The following SHANK2 variants were observed in gnomAD, a reference collection of about 807,000 sequenced individuals.
SHANK2 encodes SH3 and multiple ankyrin repeat domains 2.
In SHANK2, 43 loss-of-function variants were observed where a neutral mutation model predicts 133.7. The ratio of observed to expected loss-of-function variants is 0.32; its 90% CI spans 0.25 to 0.41. The LOEUF (loss-of-function observed/expected upper bound fraction) is 0.41. Ranked by LOEUF, SHANK2 falls within the 10% of genes least tolerant of loss-of-function variation. SHANK2 has a pLI of 1.00. For missense variants in SHANK2, 1,994 were observed against 2,235.8 expected (o/e 0.89, Z 2.18); for synonymous variants, 1,017 against 952.8 (o/e 1.07, Z -1.24).
intron 8 of SHANK2, among the ~76,000 whole-genome samples, chr11:71,087,108 G>A (rs1951430060): frequency 1.3e-5 from 2 of 152,192 alleles, no homozygotes; most frequent in Admixed American, 1.3e-4. Flanking sequence ...TCAGGCCCCG[G>A]GACCAAGGTG....
At chr11:70,601,069 TTG>T (rs2060490822) in intron 17 of SHANK2, among the ~76,000 whole-genome samples, 1 of 134,776 alleles carries the variant, frequency 7.4e-6, no homozygotes, top group African/African-American at 3.0e-5. Flanking sequence ...ATATCTATAT[TTG>T]AGATGGAGTC....
intron 17 of SHANK2, among the ~76,000 whole-genome samples, chr11:70,594,021 A>G (rs2060364371): frequency 6.6e-6 from 1 of 152,124 alleles, no homozygotes; most frequent in African/African-American, 2.4e-5. Context: ...AGAAGGGTGG[A>G]CCAGATGTCC....
chr11:70,665,640 A>G (rs1298935655), intron 15 of SHANK2, among the ~76,000 whole-genome samples: 9 of 152,136 alleles, frequency 5.9e-5, no homozygotes, highest in Admixed American at 5.9e-4. Context: ...AACCCATCTC[A>G]CTTTCACTGG....
rs373355979 is a variant in SHANK2, at chr11:71,096,841, C to T, written c.593-2153G>A. On this transcript the variant is annotated intron_variant, in intron 6 of 25. Transcript: ENST00000601538. ...TTCATAGCTGACAACCTCAGCTGTT[C>T]CATTTTATAAATGAGAATGCTGTCT... 2.6e-5 allele frequency among the ~76,000 whole-genome samples: 4 copies of T among 152,140 alleles called. No individual in the cohort carries two copies. The East Asian group carries it at 7.7e-4, about 29-fold the overall frequency.
At position 70,473,529 on chromosome 11, in the gene SHANK2, G is replaced by A. The variant is rs1287578136; in HGVS notation, c.4980-90C>T. The A allele has an allele frequency of 5.4e-6, 7 of 1,294,658 alleles. No homozygotes were observed. Among genetic ancestry groups the A allele is most frequent in the African/African-American group, 1.5e-5 (1 of 68,524 alleles). The allele number at this position is 1,294,658 out of a possible 1,614,324, so 80.2% of individuals were successfully genotyped here. A position where few individuals can be genotyped will look rare whatever the true frequency, so the allele number is the denominator to read the frequency against. On this transcript the variant is annotated intron_variant, in intron 25 of 25. Transcript: ENST00000601538. The surrounding 1 kb of genome is among the most constrained non-coding windows in gnomAD (Gnocchi z 5.9). Reference sequence around the variant, plus strand: ...GATCACCCAGGAAGGCGAGGGAGACGCCCAAACCATGCCAGAGTGTCTAGT... The same window carrying A: ...GATCACCCAGGAAGGCGAGGGAGACACCCAAACCATGCCAGAGTGTCTAGT...
At chr11:70,733,084 A>G (rs1946323922) in intron 14 of SHANK2, among the ~76,000 whole-genome samples, 2 of 152,144 alleles carry the variant, frequency 1.3e-5, no homozygotes, top group Non-Finnish European at 2.9e-5. Flanking sequence ...AGATCATCTC[A>G]ACTGAGTGGG....
chr11:70,925,747 T>G (rs575342852), intron 10 of SHANK2, among the ~76,000 whole-genome samples: 1 of 152,284 alleles, frequency 6.6e-6, no homozygotes, highest in South Asian at 2.1e-4. Flanking sequence ...CAGCACTAAC[T>G]TCTTATTGTC....
intron 11 of SHANK2, among the ~76,000 whole-genome samples, chr11:70,890,497 C>CA (rs370111783): frequency 0.85 from 125,829 of 148,100 alleles, 56,314 homozygotes; most frequent in Non-Finnish European, 0.98. Context: ...ACAAAAAAAA[C>CA]AAAAAAAACA....
chr11:70,543,546 G>A (rs774809998), intron 17 of SHANK2, among the ~76,000 whole-genome samples: 2 of 152,210 alleles, frequency 1.3e-5, no homozygotes, highest in East Asian at 1.9e-4. Context: ...AGATGAACAC[G>A]TGGAGGTTCC....
intron 11 of SHANK2, among the ~76,000 whole-genome samples, chr11:70,821,817 A>C (rs1948530058): frequency 6.6e-6 from 1 of 152,182 alleles, no homozygotes; most frequent in Non-Finnish European, 1.5e-5. Context: ...ATTCAATCTC[A>C]GTCCTCACTA....
intron 14 of SHANK2, among the ~76,000 whole-genome samples, chr11:70,719,506 G>A (rs1946029758): frequency 2.0e-5 from 3 of 152,160 alleles, no homozygotes; most frequent in Admixed American, 2.0e-4. Flanking sequence ...CCCTAATCCT[G>A]CCCGCATGCA....
At position 70,473,599 on chromosome 11, in the gene SHANK2, G is replaced by T. The variant is rs149558776; in HGVS notation, c.4980-160C>A. On this transcript the variant is annotated intron_variant, in intron 25 of 25. Transcript: ENST00000601538. The surrounding 1 kb of genome is among the most constrained non-coding windows in gnomAD (Gnocchi z 5.9). ...AACGAATGATTTGCCATGCCAGGGT[G>T]GGGGAGGGGGAGAAAGGGGCCAGAG... 5.2e-5 allele frequency: 39 copies of T among 747,726 alleles called. No individual in the cohort carries two copies. The Middle Eastern group carries it at 1.1e-3, about 22-fold the overall frequency. 46.3% of individuals were successfully genotyped at this position (747,726 alleles called of 1,614,324 possible).
intron 11 of SHANK2, among the ~76,000 whole-genome samples, chr11:70,865,957 C>A (rs1555068929): frequency 6.6e-6 from 1 of 152,168 alleles, no homozygotes; most frequent in East Asian, 1.9e-4. Flanking sequence ...CCCTGGCAGT[C>A]CCACCCTCGG....
chr11:70,844,346 G>A (rs1031368263), intron 11 of SHANK2, among the ~76,000 whole-genome samples: 1 of 151,892 alleles, frequency 6.6e-6, no homozygotes, highest in Non-Finnish European at 1.5e-5. Flanking sequence ...TTCCATTTGG[G>A]TTGGGGGGCC....
chr11:70,649,718 C>G (rs1198129825), intron 17 of SHANK2, among the ~76,000 whole-genome samples: 2 of 152,200 alleles, frequency 1.3e-5, no homozygotes, highest in African/African-American at 2.4e-5. Context: ...CAGCTTCCAA[C>G]ATGGAGATGT....
chr11:70,500,900 G>A lies in SHANK2; in HGVS notation c.2288-310C>T. The A allele has an allele frequency of 1.6e-6, 1 of 630,116 alleles. No homozygotes were observed. Among genetic ancestry groups the A allele is most frequent in the African/African-American group, 2.1e-5 (1 of 48,386 alleles). The allele number at this position is 630,116 out of a possible 1,614,324, so 39.0% of individuals were successfully genotyped here. ...CACCAGCACCCTGCCAAAGTAGGGA[G>A]GAGTTCTCAGAGCAGACATGAGCAG... On this transcript the variant is annotated intron_variant, in intron 20 of 25. Coordinates refer to ENST00000601538, the MANE Select transcript of SHANK2 (RefSeq NM_012309.5). The surrounding 1 kb of genome is among the most constrained non-coding windows in gnomAD (Gnocchi z 4.5).
chr11:70,921,916 C>T (rs1277667166), intron 10 of SHANK2, among the ~76,000 whole-genome samples: 2 of 152,160 alleles, frequency 1.3e-5, no homozygotes, highest in Admixed American at 1.3e-4. Flanking sequence ...CAGACAGTAC[C>T]ATGTGTTGGA....
intron 14 of SHANK2, among the ~76,000 whole-genome samples, chr11:70,792,915 G>A (rs748659710): frequency 4.6e-5 from 7 of 152,018 alleles, no homozygotes; most frequent in East Asian, 3.9e-4. Context: ...GTGAGAACTC[G>A]TCTCTACAAA....
At chr11:70,832,263 A>G (rs1948737008) in intron 11 of SHANK2, among the ~76,000 whole-genome samples, 1 of 152,350 alleles carries the variant, frequency 6.6e-6, no homozygotes, top group Admixed American at 6.5e-5. Context: ...GTTTTAAAAA[A>G]TCTGTAAGTG....
Sources: gnomAD v4.1 joint callset for allele counts (sites outside exome capture counted in the v4.1 genomes callset) on GRCh38, gnomAD v4.1.1 for gene constraint, Gnocchi (gnomAD v3.1) non-coding constraint, MANE v1.5 for transcripts, NCBI Gene and HGNC (gene_info 2026-07-23, HGNC 2026-07-21) for gene names.